The following ZMYM2 variants were observed in gnomAD, a reference collection of about 807,000 sequenced individuals.
The protein encoded by ZMYM2 is zinc finger MYM-type containing 2, also known as zinc finger MYM-type protein 2.
ZMYM2 carries 56 observed loss-of-function variants against 162.8 expected under a neutral mutation model. That is an observed-to-expected ratio of 0.34 (90% CI 0.28 to 0.43). The LOEUF (loss-of-function observed/expected upper bound fraction) is 0.43. Ranked by LOEUF, ZMYM2 falls within the 20% of genes least tolerant of loss-of-function variation. ZMYM2 has a pLI of 1.00. For synonymous variants in ZMYM2, 510 were observed against 541.6 expected (o/e 0.94, Z 0.81); for missense variants, 1,275 against 1,621.8 (o/e 0.79, Z 3.67).
rs1291474124 is a variant in ZMYM2, at chr13:20,063,121, C to T, written c.3037+150C>T. 3 of 1,040,088 alleles carry T rather than the reference C, an allele frequency of 2.9e-6. No individual in the cohort carries two copies. In the Admixed American group the frequency reaches 1.1e-4, roughly 37 times the overall value. 64.4% of individuals were successfully genotyped at this position (1,040,088 alleles called of 1,614,324 possible). A position where few individuals can be genotyped will look rare whatever the true frequency, so the allele number is the denominator to read the frequency against. Reference sequence around the variant, plus strand: ...TTAAACTCACCTTAAGAGTTAACTTCATATTTTGTTGTTGTTTTTTTTTAA... The same window carrying T: ...TTAAACTCACCTTAAGAGTTAACTTTATATTTTGTTGTTGTTTTTTTTTAA... On this transcript the variant is annotated intron_variant, in intron 18 of 24. Coordinates refer to ENST00000610343, the MANE Select transcript of ZMYM2 (RefSeq NM_197968.4).
At chr13:19,883,944 A>G in the ZMYM2 span, among the ~76,000 whole-genome samples, 1 of 152,188 alleles carries the variant, frequency 6.6e-6, no homozygotes, top group Admixed American at 6.5e-5. Flanking sequence ...TTTAGTACAG[A>G]CGGGGTTTCA....
intron 2 of ZMYM2, among the ~76,000 whole-genome samples, chr13:19,967,777 G>A (rs9579750): frequency 0.086 from 13,018 of 152,116 alleles, 822 homozygotes; most frequent in African/African-American, 0.17. Context: ...TATGCAGCTG[G>A]CCAATAGTAG....
At chr13:20,043,266 C>G (rs527897720) in intron 12 of ZMYM2, among the ~76,000 whole-genome samples, 70 of 152,344 alleles carry the variant, frequency 4.6e-4, no homozygotes, top group African/African-American at 1.5e-3. Context: ...GATCACTACA[C>G]TTGATGGATG....
chr13:19,904,558 C>CA, the ZMYM2 span, among the ~76,000 whole-genome samples: 2 of 151,732 alleles, frequency 1.3e-5, no homozygotes, highest in African/African-American at 2.4e-5. Context: ...AACTCCATCT[C>CA]AAAAAAAATT....
the ZMYM2 span, among the ~76,000 whole-genome samples, chr13:19,895,809 T>C: frequency 5.0e-4 from 76 of 151,946 alleles, no homozygotes; most frequent in Middle Eastern, 3.4e-3. Context: ...AAGGTATTTT[T>C]ATAGTCATGT....
At chr13:20,052,718 G>T (rs1955476121) in intron 14 of ZMYM2, among the ~76,000 whole-genome samples, 1 of 152,170 alleles carries the variant, frequency 6.6e-6, no homozygotes, top group Non-Finnish European at 1.5e-5. Flanking sequence ...ACTGTAAACA[G>T]TTGAGTAGAA....
intron 21 of ZMYM2, among the ~76,000 whole-genome samples, chr13:20,077,890 T>G (rs1225845367): frequency 2.0e-5 from 3 of 151,088 alleles, no homozygotes; most frequent in East Asian, 1.9e-4. Flanking sequence ...TCACCCAGGC[T>G]GGAGTGCAGT....
At position 20,088,028 on chromosome 13, in the gene ZMYM2, C is replaced by T. The variant is rs375119698; in HGVS notation, c.*2014C>T. 1 of 195,632 alleles carries T rather than the reference C, an allele frequency of 5.1e-6. No individual in the cohort carries two copies. The highest frequency in any genetic ancestry group is 1.9e-4 in the South Asian group (1 of 5,192). 12.1% of individuals were successfully genotyped at this position (195,632 alleles called of 1,614,324 possible). On this transcript the variant is annotated 3_prime_UTR_variant, in exon 25 of 25. Coordinates refer to ENST00000610343, the MANE Select transcript of ZMYM2 (RefSeq NM_197968.4). ...CACTTATTGTATATGTTACCAAATACCATGAATTTCTGCCATAGTACTACT... is the reference window on the plus strand; with the variant it reads ...CACTTATTGTATATGTTACCAAATATCATGAATTTCTGCCATAGTACTACT...
At chr13:20,003,403 T>G (rs972777555) in intron 4 of ZMYM2, among the ~76,000 whole-genome samples, 3 of 152,200 alleles carry the variant, frequency 2.0e-5, no homozygotes, top group Non-Finnish European at 4.4e-5. Context: ...TTAGTTCTTA[T>G]AGCCAAATAA....
chr13:20,009,194 C>G (rs1267085390), intron 6 of ZMYM2, among the ~76,000 whole-genome samples: 1 of 151,996 alleles, frequency 6.6e-6, no homozygotes, highest in African/African-American at 2.4e-5. Flanking sequence ...TATAATTTCC[C>G]CAACTGGACT....
At chr13:19,917,557 T>C in the ZMYM2 span, among the ~76,000 whole-genome samples, 1 of 142,642 alleles carries the variant, frequency 7.0e-6, no homozygotes, top group Admixed American at 7.4e-5. Context: ...ACCACTGCAC[T>C]CCAGCCTGAG....
Position 20,032,458 on chromosome 13 carries a change from A to G in ZMYM2, c.1968+1023A>G, listed in dbSNP as rs141102457. On this transcript the variant is annotated intron_variant, in intron 10 of 24. Coordinates refer to ENST00000610343, the MANE Select transcript of ZMYM2 (RefSeq NM_197968.4). The stretch of plus-strand genomic sequence containing the variant: ...GGTAGTGCATGGAGTATATGATAAA[A>G]TGGTATACAAGATTTAGAAGATGTA... Among the ~76,000 whole-genome samples the G allele has an allele frequency of 2.0e-5, 3 of 152,200 alleles. No homozygotes were observed. In the East Asian group the frequency reaches 5.8e-4, roughly 29 times the overall value.
At chr13:19,866,659 C>T in the ZMYM2 span, among the ~76,000 whole-genome samples, 21 of 152,072 alleles carry the variant, frequency 1.4e-4, no homozygotes, top group African/African-American at 4.3e-4. Context: ...GGCGAAACTC[C>T]GTCTCAAAAA....
the ZMYM2 span, among the ~76,000 whole-genome samples, chr13:19,913,986 C>G: frequency 6.6e-6 from 1 of 152,168 alleles, no homozygotes; most frequent in East Asian, 1.9e-4. Flanking sequence ...CAGTAAAGAA[C>G]TTCCAGTGGG....
the ZMYM2 span, among the ~76,000 whole-genome samples, chr13:19,931,460 C>T: frequency 2.6e-5 from 4 of 152,106 alleles, no homozygotes; most frequent in Non-Finnish European, 5.9e-5. Context: ...AAAAATTCTC[C>T]GTGTTTCACC....
chr13:20,060,467 TCAGGAGTTCAAGAC>T (rs1323170343), intron 16 of ZMYM2, among the ~76,000 whole-genome samples: 3 of 151,996 alleles, frequency 2.0e-5, no homozygotes, highest in African/African-American at 4.8e-5. Context: ...TCACCTGAGG[TCAGGAGTTCAAGAC>T]CAGACTGGCC....
chr13:19,962,634 C>T (rs1385373494), intron 2 of ZMYM2, among the ~76,000 whole-genome samples: 2 of 143,748 alleles, frequency 1.4e-5, no homozygotes, highest in Non-Finnish European at 3.0e-5. Flanking sequence ...AAGTGATTCT[C>T]CTGCCTCAGC....
At position 19,983,464 on chromosome 13, in the gene ZMYM2, T is replaced by C. The variant is rs1366050625; in HGVS notation, c.-10-9599T>C. Among the ~76,000 whole-genome samples, 3 of 152,004 alleles carry C rather than the reference T, an allele frequency of 2.0e-5. No individual in the cohort carries two copies. The East Asian group carries it at 5.9e-4, about 30-fold the overall frequency. On this transcript the variant is annotated intron_variant, in intron 2 of 24. Transcript: ENST00000610343. ...CCCGGCCTCACATTTTTATATTTCTTCATTTCTTTTTTGTGTAATCACATT... is the reference window on the plus strand; with the variant it reads ...CCCGGCCTCACATTTTTATATTTCTCCATTTCTTTTTTGTGTAATCACATT...
chr13:19,977,902 G>C (rs1383076784), intron 2 of ZMYM2, among the ~76,000 whole-genome samples: 1 of 136,746 alleles, frequency 7.3e-6, no homozygotes, highest in Non-Finnish European at 1.6e-5. Context: ...TTTGAGACGG[G>C]GTCTTGCTGT....
Sources: allele counts gnomAD v4.1 joint callset (sites outside exome capture counted in the v4.1 genomes callset), GRCh38; gene constraint gnomAD v4.1.1; transcripts MANE v1.5; gene names NCBI Gene and HGNC (gene_info 2026-07-23, HGNC 2026-07-21).